ZNF324B: variants seen among roughly 807,000 people sequenced by gnomAD.
The protein encoded by ZNF324B is zinc finger protein 324B.
ZNF324B carries 7 observed loss-of-function variants against 10.6 expected under a neutral mutation model. The ratio of observed to expected loss-of-function variants is 0.66; its 90% confidence interval spans 0.38 to 1.24. The LOEUF (loss-of-function observed/expected upper bound fraction) is 1.24. ZNF324B is among the 50% of genes most tolerant of loss of function. The pLI, the probability that ZNF324B is intolerant of heterozygous loss-of-function variation, is 0.02. For synonymous variants in ZNF324B, 316 were observed against 321.0 expected (o/e 0.98, Z 0.17); for missense variants, 640 against 764.7 (o/e 0.84, Z 1.92).
intron 1 of ZNF324B, chr19:58,452,737 TGAA>T (rs2052872786): frequency 2.5e-6 from 2 of 798,400 alleles, no homozygotes; most frequent in Non-Finnish European, 3.0e-6. Context: ...TAAACTGGAC[TGAA>T]GAAGGCGATG....
chr19:58,421,873 T>C, the ZNF324B span, among the ~76,000 whole-genome samples: 1 of 152,146 alleles, frequency 6.6e-6, no homozygotes, highest in Non-Finnish European at 1.5e-5. Context: ...ATGTTAATCC[T>C]CCCAAAGTTG....
At chr19:58,435,151 A>T in the ZNF324B span, 1 of 1,614,014 alleles carries the variant, frequency 6.2e-7, no homozygotes, top group African/African-American at 1.3e-5. Context: ...GACCTGTAAC[A>T]CTTCTACAGA....
At chr19:58,425,201 A>T in the ZNF324B span, among the ~76,000 whole-genome samples, 1 of 151,842 alleles carries the variant, frequency 6.6e-6, no homozygotes, top group African/African-American at 2.4e-5. Context: ...GCTTGCCGTG[A>T]GCCGAAATTG....
At chr19:58,424,635 T>C in the ZNF324B span, among the ~76,000 whole-genome samples, 2 of 152,290 alleles carry the variant, frequency 1.3e-5, no homozygotes, top group African/African-American at 4.8e-5. Flanking sequence ...AGTTCTAATA[T>C]AAGTGTGATA....
the ZNF324B span, chr19:58,436,178 G>C: frequency 6.5e-6 from 1 of 153,964 alleles, no homozygotes; most frequent in Non-Finnish European, 1.5e-5. Flanking sequence ...CGGGGGGAAA[G>C]GGATAAGGGA....
chr19:58,451,092 G>A (rs938360893), upstream of ZNF324B, among the ~76,000 whole-genome samples: 3 of 152,234 alleles, frequency 2.0e-5, no homozygotes, highest in African/African-American at 7.2e-5. Flanking sequence ...AATTCTTGGT[G>A]TAGAGGTTGA....
At position 58,456,880 on chromosome 19, in the gene ZNF324B, A is replaced by C. The variant is rs2052928399; in HGVS notation, c.*301A>C. ...GGGGCCATAGGACGCCGACAAAGGC[A>C]GCGCTGCATGGTGGTGCTACTTCAT... On this transcript the variant is annotated 3_prime_UTR_variant, in exon 4 of 4. Transcript: ENST00000336614. This position sits in a 1 kb window ranked among gnomAD's most constrained non-coding sequence, Gnocchi z 4.7. 1 of 505,518 alleles carries C rather than the reference A, an allele frequency of 2.0e-6. No homozygotes were observed. Among genetic ancestry groups the C allele is most frequent in the East Asian group, 3.3e-5 (1 of 30,500 alleles). The allele number at this position is 505,518 out of a possible 1,614,324, so 31.3% of individuals were successfully genotyped here.
chr19:58,424,005 C>T, the ZNF324B span, among the ~76,000 whole-genome samples: 5 of 151,560 alleles, frequency 3.3e-5, no homozygotes, highest in East Asian at 1.9e-4. Context: ...TTTGGGAGGC[C>T]GAGGCGGACG....
At chr19:58,427,047 G>A in the ZNF324B span, among the ~76,000 whole-genome samples, 4 of 152,222 alleles carry the variant, frequency 2.6e-5, no homozygotes, top group Admixed American at 6.5e-5. Flanking sequence ...AGACCCAGTC[G>A]GAGATCAGAA....
At chr19:58,443,334 C>T in the ZNF324B span, 2 of 152,386 alleles carry the variant, frequency 1.3e-5, no homozygotes, top group South Asian at 2.1e-4. Flanking sequence ...TTTAGCCGGA[C>T]AGAAAAGTTC....
At chr19:58,445,775 A>T in the ZNF324B span, 1 of 284,264 alleles carries the variant, frequency 3.5e-6, no homozygotes, top group Non-Finnish European at 6.8e-6. Flanking sequence ...AGTTAGAGCC[A>T]CTGCACCCCA....
chr19:58,445,263 A>T, the ZNF324B span: 8 of 372,856 alleles, frequency 2.1e-5, no homozygotes, highest in Non-Finnish European at 3.6e-5. Flanking sequence ...TGGAAAGCCT[A>T]TTCTCAATTT....
At chr19:58,427,630 C>T in the ZNF324B span, among the ~76,000 whole-genome samples, 78 of 151,300 alleles carry the variant, frequency 5.2e-4, no homozygotes, top group African/African-American at 1.8e-3. Flanking sequence ...GCTGGGATTA[C>T]ATGCGTGAGC....
At position 58,454,280 on chromosome 19, in the gene ZNF324B, GCCCTGGGTT is replaced by G; in HGVS notation, c.178_186del (p.Trp60_Pro62del). 1 of 1,614,164 alleles carries G rather than the reference GCCCTGGGTT, an allele frequency of 6.2e-7. No individual in the cohort carries two copies. Among genetic ancestry groups the G allele is most frequent in the Non-Finnish European group, 8.5e-7 (1 of 1,180,006 alleles). ...TCATTCAACTTGAGCGTGGCGAGGA[GCCCTGGGTT>G]CCCAGTGGAAAGGACATGACCCTGG... On this transcript the variant is annotated inframe_deletion, in exon 3 of 4. Coordinates refer to ENST00000336614, the MANE Select transcript of ZNF324B (RefSeq NM_207395.3).
chr19:58,440,753 T>A, the ZNF324B span: 1 of 151,264 alleles, frequency 6.6e-6, no homozygotes, highest in African/African-American at 2.4e-5. Flanking sequence ...CGCGGAGGTG[T>A]CCGCGGCTCT....
the ZNF324B span, among the ~76,000 whole-genome samples, chr19:58,427,399 TTTCTTTCCTTCC>T: frequency 1.9e-5 from 1 of 52,020 alleles, no homozygotes; most frequent in African/African-American, 8.3e-5. Context: ...TCTTTCTTTC[TTTCTTTCCTTCC>T]TTCCTTCCTT....
rs200253148 is a variant in ZNF324B at position 58,455,420 on chromosome 19, G to C, written c.476G>C (p.Ser159Thr). 1.3e-5 allele frequency: 21 copies of C among 1,614,104 alleles called. No individual in the cohort carries two copies. Among genetic ancestry groups the C allele is most frequent in the Middle Eastern group, 1.6e-4 (1 of 6,084 alleles). The change falls in exon 4 of 4, where the codon AGC (serine) becomes ACC (threonine). Residue 159 changes from serine to threonine, a missense_variant. Around this residue, in one of 3 missense-constraint regions of ZNF324B, gnomAD observed 345 missense variants for 387.9 expected, o/e 0.89. Coordinates refer to ENST00000336614, the MANE Select transcript of ZNF324B (RefSeq NM_207395.3). This position sits in a 1 kb window ranked among gnomAD's most constrained non-coding sequence, Gnocchi z 7.0. Reference sequence around the variant, plus strand: ...TCGCGCAGTGACCAGGCCAGCATCAGCCTGCGACTGACCTCCCCACTCAGG... The same window carrying C: ...TCGCGCAGTGACCAGGCCAGCATCACCCTGCGACTGACCTCCCCACTCAGG... ...LGSRSDQASI[S>T]LRLTSPLRPP...
chr19:58,439,393 C>A, the ZNF324B span, among the ~76,000 whole-genome samples: 129 of 152,354 alleles, frequency 8.5e-4, no homozygotes, highest in African/African-American at 3.0e-3. Flanking sequence ...GCTCCTCAGG[C>A]TGCCATTCCA....
Position 58,455,876 on chromosome 19 carries a change from C to T in ZNF324B, c.932C>T (p.Thr311Met). The change falls in exon 4 of 4, where the codon ACG becomes ATG. Residue 311 changes from threonine (T) to methionine (M), a missense_variant. Thr to Met is a moderately conservative substitution (Grantham distance 81, BLOSUM62 -1). This residue lies in a region of ZNF324B where 57 missense variants were observed against 118.8 expected (regional missense o/e 0.48). Transcript: ENST00000336614. This position sits in a 1 kb window ranked among gnomAD's most constrained non-coding sequence, Gnocchi z 7.0. ...TQHQRIHSGE[T>M]PYACPVCGKA... is the part of the protein sequence containing the mutation. Reference sequence around the variant, plus strand: ...CACCAGCGCATCCACAGCGGCGAGACGCCCTACGCGTGCCCCGTGTGCGGC... The same window carrying T: ...CACCAGCGCATCCACAGCGGCGAGATGCCCTACGCGTGCCCCGTGTGCGGC... 2 of 1,607,950 alleles carry T rather than the reference C, an allele frequency of 1.2e-6. No homozygotes were observed. Among genetic ancestry groups the T allele is most frequent in the South Asian group, 1.1e-5 (1 of 90,296 alleles).
Sources: gnomAD v4.1 joint callset for allele counts (sites outside exome capture counted in the v4.1 genomes callset) on GRCh38, gnomAD v4.1.1 for gene constraint, gnomAD v4.1.1 regional missense constraint, Gnocchi (gnomAD v3.1) non-coding constraint, MANE v1.5 for transcripts, NCBI Gene and HGNC (gene_info 2026-07-23, HGNC 2026-07-21) for gene names.